The following LTBP4 variants were observed in gnomAD, a reference collection of about 807,000 sequenced individuals.
LTBP4 encodes latent-transforming growth factor beta-binding protein 4.
LTBP4 carries 93 observed loss-of-function variants against 180.2 expected under a neutral mutation model. The ratio of observed to expected loss-of-function variants is 0.52; its 90% CI spans 0.44 to 0.61. The LOEUF is 0.61. Ranked by LOEUF, LTBP4 falls within the 20% of genes least tolerant of loss-of-function variation. The pLI is 0.00. For synonymous variants in LTBP4, 947 were observed against 934.5 expected, an observed-to-expected ratio of 1.01 and a Z score of -0.24; for missense variants, 2,116 against 2,256.5, an observed-to-expected ratio of 0.94 and a Z score of 1.26.
At chr19:40,614,826 G>A (rs1302809831) in intron 19 of LTBP4, among the ~76,000 whole-genome samples, 1 of 151,766 alleles carries the variant, frequency 6.6e-6, no homozygotes, top group African/African-American at 2.4e-5. Flanking sequence ...CCCTTTCCGC[G>A]CCCTCCACCA....
chr19:40,627,504 C>T (rs1599880545), intron 28 of LTBP4, 149 bp downstream of exon 28: 9 of 1,304,084 alleles, frequency 6.9e-6, no homozygotes, highest in East Asian at 2.5e-5. Flanking sequence ...GTCTATAGCC[C>T]GGCAAAGAAA....
At chr19:40,597,931 G>T (rs2081399729), upstream of LTBP4, among the ~76,000 whole-genome samples, 1 of 152,014 alleles carries the variant, frequency 6.6e-6, no homozygotes, top group African/African-American at 2.4e-5. Context: ...TCGGGTGGGG[G>T]AGTCCTCAGG....
In LTBP4 at chr19:40,611,239, C is replaced by T; in HGVS notation, c.1898C>T (p.Ala633Val). 6.2e-7 allele frequency: 1 copy of T among 1,613,630 alleles called. No homozygotes were observed. The highest frequency in any genetic ancestry group is 8.5e-7 in the Non-Finnish European group (1 of 1,179,758). Reference protein sequence around the residue: ...LPGSFRCVCPAGFRGSACEED... With the variant: ...LPGSFRCVCPVGFRGSACEED... ...GGCTCTTTCCGCTGTGTTTGCCCGG[C>T]TGGCTTCCGGGGCTCGGCGTGTGAA... is the stretch of plus-strand genomic sequence containing the variant. The change falls in exon 13 of 30, where the codon GCT (alanine) becomes GTT (valine). Residue 633 changes from alanine (A) to valine (V), a missense_variant. By Grantham distance (64) the Ala-to-Val change is moderately conservative. This residue lies in a region of LTBP4 where 877 missense variants were observed against 873.6 expected (regional missense o/e 1.00). Coordinates refer to ENST00000396819, the MANE Select transcript of LTBP4 (RefSeq NM_001042545.2). The surrounding 1 kb of genome is among the most constrained non-coding windows in gnomAD (Gnocchi z 4.4).
upstream of LTBP4, among the ~76,000 whole-genome samples, chr19:40,597,827 C>T (rs543052733): frequency 2.7e-5 from 4 of 148,582 alleles, no homozygotes; most frequent in African/African-American, 1.0e-4. Flanking sequence ...TTTGGGGGCT[C>T]TGTGTTCATG....
At chr19:40,597,086 T>C (rs1255178044), upstream of LTBP4, 1 of 733,256 alleles carries the variant, frequency 1.4e-6, no homozygotes, top group African/African-American at 1.8e-5. Context: ...CGGGCTGTGA[T>C]TGGCGGGAAG....
chr19:40,614,224 G>T (rs2081530495), intron 18 of LTBP4, 91 bp from the exon 19 acceptor site: 4 of 1,511,252 alleles, frequency 2.6e-6, no homozygotes, highest in Non-Finnish European at 3.6e-6. Flanking sequence ...TGCTTCCCCG[G>T]CCTCCCCCTT....
At chr19:40,624,364 T>G (rs1388095501) in intron 26 of LTBP4, among the ~76,000 whole-genome samples, 1 of 152,222 alleles carries the variant, frequency 6.6e-6, no homozygotes, top group African/African-American at 2.4e-5. Context: ...CCCTACCTTA[T>G]AGGGTGGCTG....
chr19:40,620,320 C>T (rs545604700), intron 22 of LTBP4, among the ~76,000 whole-genome samples: 1 of 151,696 alleles, frequency 6.6e-6, no homozygotes, highest in East Asian at 1.9e-4. Context: ...CTCACTGCAA[C>T]CTCCACCTCC....
At chr19:40,595,877 C>T (rs544734652) in intron 1 of LTBP4, among the ~76,000 whole-genome samples, 1 of 147,270 alleles carries the variant, frequency 6.8e-6, no homozygotes, top group South Asian at 2.2e-4. Flanking sequence ...ACTACTGGCT[C>T]ATGCCACCAT....
chr19:40,623,112 C>T, intron 24 of LTBP4, 91 bp downstream of exon 24: 1 of 911,300 alleles, frequency 1.1e-6, no homozygotes, highest in East Asian at 2.8e-5. Context: ...CTCACCCTTT[C>T]TGTTTCTCTG....
upstream of LTBP4, chr19:40,597,140 G>C (rs1023329949): frequency 3.9e-5 from 45 of 1,147,112 alleles, no homozygotes; most frequent in East Asian, 1.0e-4. Context: ...AGTCGGCCTC[G>C]GGCGGGGGCG....
Position 40,605,679 on chromosome 19 carries a change from C to G in LTBP4, c.690+27C>G. ...TGAGAGGAGGCCCGTGGGGAGGGGC[C>G]CGGAGCTTGCCTCCGCGCGGGGGCG... is the stretch of plus-strand genomic sequence containing the variant. On this transcript the variant is annotated intron_variant, in intron 3 of 29. Coordinates refer to ENST00000396819, the MANE Select transcript of LTBP4 (RefSeq NM_001042545.2). The surrounding 1 kb of genome is among the most constrained non-coding windows in gnomAD (Gnocchi z 5.5). 4 of 1,549,236 alleles carry G rather than the reference C, an allele frequency of 2.6e-6. No individual in the cohort carries two copies. The highest frequency in any genetic ancestry group is 3.5e-6 in the Non-Finnish European group (4 of 1,147,448).
Position 40,612,066 on chromosome 19 carries a change from C to T in LTBP4, c.2180-7C>T. The T allele has an allele frequency of 6.2e-7, 1 of 1,612,808 alleles. No homozygotes were observed. ...TCTTCAAGGCCACCCTCTCCCCTGC[C>T]CCCCAGATGTGGATGAGTGTGAGAA... On this transcript the variant is annotated splice_polypyrimidine_tract_variant and splice_region_variant and intron_variant, in intron 14 of 29. Transcript: ENST00000396819.
At chr19:40,620,724 C>T (rs1025819060) in intron 22 of LTBP4, among the ~76,000 whole-genome samples, 1 of 137,108 alleles carries the variant, frequency 7.3e-6, no homozygotes, top group African/African-American at 2.8e-5. Context: ...TGTGGGATTG[C>T]ACCACTGCAC....
rs369128124 is a variant in LTBP4 at position 40,625,943 on chromosome 19, G to C, written c.3919G>C (p.Glu1307Gln). 4 of 1,607,122 alleles carry C rather than the reference G, an allele frequency of 2.5e-6. No individual in the cohort carries two copies. The highest frequency in any genetic ancestry group is 3.4e-6 in the Non-Finnish European group (4 of 1,177,286). The change falls in exon 27 of 30, where the codon GAG becomes CAG. Residue 1307 changes from glutamate to glutamine, a missense_variant. By Grantham distance (29) the Glu-to-Gln change is conservative. Transcript: ENST00000396819. ...GCTGGACCGTCAGGCCACCTACACA[G>C]AGTGCTGCTGCCTGTATGGAGAGGC... Reference protein sequence around the residue: ...PRLDRQATYTECCCLYGEAWG... With the variant: ...PRLDRQATYTQCCCLYGEAWG...
chr19:40,613,528 C>A lies in LTBP4; in HGVS notation c.2556C>A (p.Leu852=). The change falls in exon 17 of 30, where the codon CTC becomes CTA. Residue 852 remains leucine (L), a splice_region_variant and synonymous_variant. Coordinates refer to ENST00000396819, the MANE Select transcript of LTBP4 (RefSeq NM_001042545.2). This position sits in a 1 kb window ranked among gnomAD's most constrained non-coding sequence, Gnocchi z 5.0. The stretch of plus-strand genomic sequence containing the variant: ...CCGGACCCCGCGGAGCCTCTTGCCT[C>A]GGTTCGTACCCGGGCTGATCCTGGC... ...YRPGPRGASC[L]DVDECSEEDL... is the part of the protein sequence containing the mutation. 1 of 1,566,132 alleles carries A rather than the reference C, an allele frequency of 6.4e-7. No individual in the cohort carries two copies. The highest frequency in any genetic ancestry group is 8.6e-7 in the Non-Finnish European group (1 of 1,156,836).
intron 6 of LTBP4, 91 bp from the exon 7 acceptor site, chr19:40,607,274 A>AC: frequency 2.8e-5 from 4 of 142,734 alleles, no homozygotes; most frequent in Non-Finnish European, 3.9e-5. Context: ...CCCCACCCCC[A>AC]ACCCCAGAAC....
intron 22 of LTBP4, among the ~76,000 whole-genome samples, chr19:40,620,220 GT>G (rs890014257): frequency 6.8e-6 from 1 of 146,718 alleles, no homozygotes. Flanking sequence ...GGGTTTCGGC[GT>G]TTTTTTTTTG....
At chr19:40,628,125 C>A (rs1182236154) in intron 29 of LTBP4, among the ~76,000 whole-genome samples, 1 of 152,234 alleles carries the variant, frequency 6.6e-6, no homozygotes, top group African/African-American at 2.4e-5. Flanking sequence ...GCTGGTGTGA[C>A]TTGCAGTGCT....
Sources: gnomAD v4.1 joint callset for allele counts (sites outside exome capture counted in the v4.1 genomes callset) on GRCh38, gnomAD v4.1.1 for gene constraint, gnomAD v4.1.1 regional missense constraint, Gnocchi (gnomAD v3.1) non-coding constraint, MANE v1.5 for transcripts, NCBI Gene and HGNC (gene_info 2026-07-23, HGNC 2026-07-21) for gene names.